Variants in TLR7 observed in about 807,000 individuals in gnomAD.
TLR7 encodes toll like receptor 7, also known as toll-like receptor 7.
A neutral mutation model predicts 38.3 loss-of-function variants in TLR7; 12 were observed. That is an observed-to-expected ratio of 0.31 (90% CI 0.20 to 0.51). TLR7 has a LOEUF of 0.51. Ranked by LOEUF, TLR7 falls within the 20% of genes least tolerant of loss-of-function variation. The probability of loss-of-function intolerance (pLI) is 0.98; values close to 1 mark genes in which losing one functional copy is unlikely to be tolerated. For synonymous variants in TLR7, 285 were observed against 293.8 expected (o/e 0.97, Z 0.31); for missense variants, 504 against 743.4 (o/e 0.68, Z 3.74).
intron 2 of TLR7, among the ~76,000 whole-genome samples, chrX:12,872,543 G>A (rs1195211970): frequency 2.8e-5 from 3 of 107,467 alleles, no homozygotes; most frequent in African/African-American, 1.1e-4. Flanking sequence ...GAGAAAGGGA[G>A]AGAGGGAGAA....
At position 12,890,061 on chromosome X, in the gene TLR7, C is replaced by T. The variant is rs1569110457; in HGVS notation, c.*1403C>T. The T allele has an allele frequency of 1.8e-5, 2 of 112,843 alleles. No individual in the cohort carries two copies. The highest frequency in any genetic ancestry group is 5.5e-4 in the East Asian group (2 of 3,616). 9.3% of individuals were successfully genotyped at this position (112,843 alleles called of 1,213,427 possible). On this transcript the variant is annotated 3_prime_UTR_variant, in exon 3 of 3. Coordinates refer to ENST00000380659, the MANE Select transcript of TLR7 (RefSeq NM_016562.4). ...CCAAGACATTCTTAAGATGCCTGTA[C>T]TTTCAGCTGGGTATAAATTCATGAG...
In TLR7 at chrX:12,887,251, A is replaced by G; in HGVS notation, c.1743A>G (p.Gln581=). Residue 581 remains glutamine (Q), a synonymous_variant, in exon 3 of 3, where the codon CAA becomes CAG. Coordinates refer to ENST00000380659, the MANE Select transcript of TLR7 (RefSeq NM_016562.4). The stretch of plus-strand genomic sequence containing the variant: ...TAAGCAGTAATAGCCATTATTTTCA[A>G]TCAGAAGGAATTACTCATATGCTAA... ...LDISSNSHYF[Q]SEGITHMLNF... 4 of 1,210,507 alleles carry G rather than the reference A, an allele frequency of 3.3e-6. No individual in the cohort carries two copies. The highest frequency in any genetic ancestry group is 2.2e-5 in the Admixed American group (1 of 45,895).
Position 12,888,174 on chromosome X carries a change from G to A in TLR7, c.2666G>A (p.Cys889Tyr), listed in dbSNP as rs145797092. The A allele has an allele frequency of 9.9e-6, 12 of 1,210,417 alleles. 1 individual carries two copies. The East Asian group carries it at 2.4e-4, about 24-fold the overall frequency. Residue 889 changes from cysteine (C) to tyrosine (Y), a missense_variant, in exon 3 of 3, where the codon TGT becomes TAT. Physicochemically the swap from Cys to Tyr is radical, Grantham distance 194 (BLOSUM62 -2). Transcript: ENST00000380659. ...TATCAGCGTCTAATATCACCAGACTGTTGCTATGATGCTTTTATTGTGTAT... is the reference window on the plus strand; with the variant it reads ...TATCAGCGTCTAATATCACCAGACTATTGCTATGATGCTTTTATTGTGTAT... ...KGYQRLISPD[C>Y]CYDAFIVYDT...
Position 12,886,255 on chromosome X carries a change from C to T in TLR7, c.747C>T (p.Asn249=), listed in dbSNP as rs769066395. 2 of 1,210,270 alleles carry T rather than the reference C, an allele frequency of 1.7e-6. No individual in the cohort carries two copies. Among genetic ancestry groups the T allele is most frequent in the East Asian group, 3.0e-5 (1 of 33,836 alleles). The change falls in exon 3 of 3, where the codon AAC becomes AAT. Residue 249 remains asparagine (N), a synonymous_variant. Transcript: ENST00000380659. ...KIQEDDFNNL[N]QLQILDLSGN... ...AAGAAGATGATTTTAATAACCTCAACCAATTACAAATTCTTGACCTAAGTG... is the reference window on the plus strand; with the variant it reads ...AAGAAGATGATTTTAATAACCTCAATCAATTACAAATTCTTGACCTAAGTG...
At chrX:12,872,777 C>T (rs1370119070) in intron 2 of TLR7, among the ~76,000 whole-genome samples, 1 of 109,044 alleles carries the variant, frequency 9.2e-6, no homozygotes, top group Non-Finnish European at 1.9e-5. Context: ...AGTTCTTACG[C>T]CCTCCAGCAC....
At chrX:12,878,051 G>C (rs962592212) in intron 2 of TLR7, among the ~76,000 whole-genome samples, 1 of 111,961 alleles carries the variant, frequency 8.9e-6, no homozygotes, top group African/African-American at 3.2e-5. Flanking sequence ...ATCTATAGGG[G>C]CAGATGACTG....
rs748609250 is a variant in TLR7, at chrX:12,876,821, A to G, written c.4-8691A>G. ...ATTTACCCAGTGTATTTGCATGTGT[A>G]ATTAGCTGTGATTCAATACCAAAGC... On this transcript the variant is annotated intron_variant, in intron 2 of 2. Coordinates refer to ENST00000380659, the MANE Select transcript of TLR7 (RefSeq NM_016562.4). 2.7e-5 allele frequency among the ~76,000 whole-genome samples: 3 copies of G among 111,873 alleles called. No homozygotes were observed. In the East Asian group the frequency reaches 8.4e-4, roughly 31 times the overall value.
intron 2 of TLR7, among the ~76,000 whole-genome samples, chrX:12,871,589 C>G (rs5743733): frequency 0.097 from 10,906 of 111,900 alleles, 447 homozygotes; most frequent in Middle Eastern, 0.19. Context: ...CTCGCTCACA[C>G]GTCTTGGCTC....
intron 2 of TLR7, among the ~76,000 whole-genome samples, chrX:12,870,659 GT>G (rs757601961): frequency 5.4e-5 from 6 of 110,598 alleles, no homozygotes; most frequent in Non-Finnish European, 5.7e-5. Flanking sequence ...GAGCTAAGGG[GT>G]TTTTTTTTAA....
intron 2 of TLR7, among the ~76,000 whole-genome samples, chrX:12,877,822 T>A (rs1156565827): frequency 9.0e-6 from 1 of 111,315 alleles, no homozygotes; most frequent in Non-Finnish European, 1.9e-5. Context: ...CCCCAAACCC[T>A]CCTGGTCTCT....
At position 12,886,892 on chromosome X, in the gene TLR7, C is replaced by A; in HGVS notation, c.1384C>A (p.Gln462Lys). Residue 462 changes from glutamine (Q) to lysine (K), a missense_variant, in exon 3 of 3, where the codon CAA (glutamine) becomes AAA (lysine). Physicochemically the swap from Gln to Lys is moderately conservative, Grantham distance 53. Transcript: ENST00000380659. ...AAGTTATGAACCCCAGGTCCTGGAACAATTACATTATTTCAGATATGATAA... is the reference window on the plus strand; with the variant it reads ...AAGTTATGAACCCCAGGTCCTGGAAAAATTACATTATTTCAGATATGATAA... Reference protein sequence around the residue: ...VESYEPQVLEQLHYFRYDKYA... With the variant: ...VESYEPQVLEKLHYFRYDKYA... 1 of 1,207,095 alleles carries A rather than the reference C, an allele frequency of 8.3e-7. No homozygotes were observed.
intron 2 of TLR7, among the ~76,000 whole-genome samples, chrX:12,883,765 AAGG>A (rs1049963696): frequency 9.0e-6 from 1 of 110,931 alleles, no homozygotes; most frequent in Non-Finnish European, 1.9e-5. Context: ...ACCTCAAAGC[AAGG>A]AGGATGTTAA....
Position 12,885,937 on chromosome X carries a change from G to T in TLR7, c.429G>T (p.Pro143=), listed in dbSNP as rs1341054327. Residue 143 remains proline (P), a synonymous_variant, in exon 3 of 3, where the codon CCG becomes CCT. Transcript: ENST00000380659. ...YLDGNQLLEI[P]QGLPPSLQLL... The stretch of plus-strand genomic sequence containing the variant: ...ATGGAAACCAGCTACTAGAGATACC[G>T]CAGGGCCTCCCGCCTAGCTTACAGC... 8.3e-7 allele frequency: 1 copy of T among 1,211,600 alleles called. No homozygotes were observed. The highest frequency in any genetic ancestry group is 1.1e-6 in the Non-Finnish European group (1 of 895,367).
chrX:12,883,236 T>G (rs893332811), intron 2 of TLR7, among the ~76,000 whole-genome samples: 4 of 112,576 alleles, frequency 3.6e-5, no homozygotes, highest in Non-Finnish European at 7.5e-5. Context: ...CCATATTTAT[T>G]TAAGGGCTTC....
rs34022797 is a variant in TLR7, at chrX:12,869,830, C to CA, written c.3+2271dup. ...TACCAAGATGGTCAGTGCAGCCAGG[C>CA]AAAAAAAAAAAAAAAAAAAAAATCA... On this transcript the variant is annotated intron_variant, in intron 2 of 2. Transcript: ENST00000380659. Among the ~76,000 whole-genome samples, 338 of 51,202 alleles carry CA rather than the reference C, an allele frequency of 6.6e-3. 2 individuals are homozygous for CA. The highest frequency in any genetic ancestry group is 0.061 in the Middle Eastern group (6 of 99). The allele number at this position is 51,202 out of a possible 115,157, so 44.5% of individuals were successfully genotyped here.
chrX:12,869,070 G>C (rs749455005), intron 2 of TLR7, among the ~76,000 whole-genome samples: 1 of 111,685 alleles, frequency 9.0e-6, no homozygotes, highest in African/African-American at 3.3e-5. Context: ...GAGAGGTTAA[G>C]GAGCTTGGGT....
At chrX:12,882,503 A>G (rs2042896158) in intron 2 of TLR7, among the ~76,000 whole-genome samples, 1 of 111,425 alleles carries the variant, frequency 9.0e-6, no homozygotes, top group African/African-American at 3.3e-5. Context: ...ATAATATGTC[A>G]CTGTGTAGAG....
rs201446603 is a variant in TLR7 at position 12,885,470 on chromosome X, G to A, written c.4-42G>A. ...TGGGAATTTTTAATTCTGATTCTTGGTATGTTTTAGAACAATGATTTGTTC... is the reference window on the plus strand; with the variant it reads ...TGGGAATTTTTAATTCTGATTCTTGATATGTTTTAGAACAATGATTTGTTC... On this transcript the variant is annotated intron_variant, in intron 2 of 2. Coordinates refer to ENST00000380659, the MANE Select transcript of TLR7 (RefSeq NM_016562.4). 2.4e-5 allele frequency: 26 copies of A among 1,085,263 alleles called. No homozygotes were observed. The African/African-American group carries it at 4.7e-4, about 19-fold the overall frequency. The allele number at this position is 1,085,263 out of a possible 1,213,427, so 89.4% of individuals were successfully genotyped here.
Position 12,885,578 on chromosome X carries a change from C to A in TLR7, c.70C>A (p.Leu24Ile). 8.3e-7 allele frequency: 1 copy of A among 1,209,952 alleles called. No individual in the cohort carries two copies. Among genetic ancestry groups the A allele is most frequent in the Non-Finnish European group, 1.1e-6 (1 of 894,022 alleles). The change falls in exon 3 of 3, where the codon CTC becomes ATC. Residue 24 changes from leucine to isoleucine, a missense_variant. Coordinates refer to ENST00000380659, the MANE Select transcript of TLR7 (RefSeq NM_016562.4). ...ILFNIILISK[L>I]LGARWFPKTL... ...TTTTAACATAATCCTAATTTCCAAA[C>A]TCCTTGGGGCTAGATGGTTTCCTAA...
Sources: gnomAD v4.1 joint callset for allele counts (sites outside exome capture counted in the v4.1 genomes callset) on GRCh38, gnomAD v4.1.1 for gene constraint, MANE v1.5 for transcripts, NCBI Gene and HGNC (gene_info 2026-07-23, HGNC 2026-07-21) for gene names.